Variants in KLHL5 observed in about 807,000 individuals in gnomAD.
The protein encoded by KLHL5 is kelch like family member 5.
In KLHL5, 48 loss-of-function variants were observed where a neutral mutation model predicts 77.7. The ratio of observed to expected loss-of-function variants is 0.62; its 90% CI spans 0.49 to 0.79. The LOEUF (loss-of-function observed/expected upper bound fraction) is 0.79, where lower values mean the gene tolerates loss of function less well. KLHL5 is among the 30% of genes least tolerant of loss of function. The pLI, the probability that KLHL5 is intolerant of heterozygous loss-of-function variation, is 0.00. For synonymous variants in KLHL5, 260 were observed against 297.0 expected (o/e 0.88, Z 1.28); for missense variants, 723 against 859.7 (o/e 0.84, Z 1.99).
intron 8 of KLHL5, among the ~76,000 whole-genome samples, chr4:39,109,094 A>C (rs1296318731): frequency 6.6e-6 from 1 of 152,162 alleles, no homozygotes; most frequent in African/African-American, 2.4e-5. Context: ...ACTATTAAGA[A>C]ATTTGATTTT....
At chr4:39,077,710 CAAA>C (rs1719205046) in intron 2 of KLHL5, among the ~76,000 whole-genome samples, 3 of 123,282 alleles carry the variant, frequency 2.4e-5, no homozygotes, top group Non-Finnish European at 3.5e-5. Context: ...AAAAAAAAAA[CAAA>C]AAACAAACAA....
Position 39,113,052 on chromosome 4 carries a change from C to T in KLHL5, c.1721C>T (p.Ser574Phe). 7 of 1,613,650 alleles carry T rather than the reference C, an allele frequency of 4.3e-6. No homozygotes were observed. Among genetic ancestry groups the T allele is most frequent in the Non-Finnish European group, 5.9e-6 (7 of 1,179,912 alleles). Residue 574 changes from serine (S) to phenylalanine (F), a missense_variant, in exon 9 of 11, where the codon TCT becomes TTT. By Grantham distance (155) the Ser-to-Phe change is radical. Coordinates refer to ENST00000504108, the MANE Select transcript of KLHL5 (RefSeq NM_015990.5). Reference protein sequence around the residue: ...LYAVGGRDGSSCLKSVECFDP... With the variant: ...LYAVGGRDGSFCLKSVECFDP... ...GCAGTTGGTGGTCGTGATGGAAGTT[C>T]TTGTCTCAAATCAGTAGAATGTTTT...
chr4:39,126,631 G>C (rs897121424), downstream of KLHL5: 1 of 431,800 alleles, frequency 2.3e-6, no homozygotes, highest in African/African-American at 2.0e-5. Flanking sequence ...CTTTGCCCAG[G>C]TTCAAGCTGG....
the KLHL5 span, among the ~76,000 whole-genome samples, chr4:39,139,535 C>A: frequency 6.6e-6 from 1 of 151,982 alleles, no homozygotes; most frequent in South Asian, 2.1e-4. Context: ...CTAATATAAA[C>A]TGTGGACTTT....
At chr4:39,093,112 CA>C (rs1560427330) in intron 5 of KLHL5, 1 of 455,916 alleles carries the variant, frequency 2.2e-6, no homozygotes, top group Non-Finnish European at 4.4e-6. Flanking sequence ...AAGCATCCAT[CA>C]ACTGGTGAAT....
At chr4:39,092,660 T>C (rs1383178798) in intron 5 of KLHL5, among the ~76,000 whole-genome samples, 2 of 149,186 alleles carry the variant, frequency 1.3e-5, no homozygotes, top group Admixed American at 1.3e-4. Context: ...TAGGTCTTAA[T>C]TTGGCTTTTT....
chr4:39,070,728 A>G (rs1320626720), intron 1 of KLHL5, among the ~76,000 whole-genome samples: 1 of 152,176 alleles, frequency 6.6e-6, no homozygotes, highest in Non-Finnish European at 1.5e-5. Context: ...TTCTGGCACT[A>G]TCCCAGGGGA....
Position 39,113,109 on chromosome 4 carries a change from C to G in KLHL5, c.1778C>G (p.Ala593Gly). ...CATACTAATAAGTGGACACTGTGTG[C>G]ACAGATGTCAAAAAGGAGAGGTGGC... ...DPHTNKWTLC[A>G]QMSKRRGGVG... Residue 593 changes from alanine (A) to glycine (G), a missense_variant, in exon 9 of 11, where the codon GCA becomes GGA. Physicochemically the swap from Ala to Gly is moderately conservative, Grantham distance 60. Coordinates refer to ENST00000504108, the MANE Select transcript of KLHL5 (RefSeq NM_015990.5). The G allele has an allele frequency of 1.9e-6, 3 of 1,613,812 alleles. No homozygotes were observed. The highest frequency in any genetic ancestry group is 2.5e-6 in the Non-Finnish European group (3 of 1,179,826).
At chr4:39,065,306 G>A (rs1717787263) in intron 1 of KLHL5, among the ~76,000 whole-genome samples, 1 of 151,312 alleles carries the variant, frequency 6.6e-6, no homozygotes, top group African/African-American at 2.4e-5. Flanking sequence ...TTCACCTACT[G>A]TAAACAAATC....
chr4:39,139,698 A>T, the KLHL5 span, among the ~76,000 whole-genome samples: 3 of 152,244 alleles, frequency 2.0e-5, no homozygotes, highest in African/African-American at 7.2e-5. Context: ...CCTAAAAAAC[A>T]AAATCTATTT....
chr4:39,114,684 C>G (rs1426412745), intron 9 of KLHL5, among the ~76,000 whole-genome samples: 1 of 152,216 alleles, frequency 6.6e-6, no homozygotes, highest in Non-Finnish European at 1.5e-5. Flanking sequence ...GTACTACACT[C>G]AGTGGAAAGC....
At chr4:39,115,906 A>G (rs1305743987) in intron 10 of KLHL5, 7 of 989,538 alleles carry the variant, frequency 7.1e-6, no homozygotes, top group African/African-American at 1.7e-5. Flanking sequence ...TGCTTCCATC[A>G]TCACCAAGAA....
intron 1 of KLHL5, 22 bp from the exon 2 acceptor site, chr4:39,075,943 G>A (rs1186421922): frequency 1.3e-6 from 2 of 1,582,012 alleles, no homozygotes; most frequent in East Asian, 2.3e-5. Context: ...ATTTCAAAAT[G>A]TGTGTTTTTT....
intron 7 of KLHL5, among the ~76,000 whole-genome samples, chr4:39,104,785 G>A (rs74833514): frequency 1.4e-3 from 193 of 135,428 alleles, no homozygotes; most frequent in Non-Finnish European, 2.3e-3. Flanking sequence ...TTTTTTTTTT[G>A]AGACGGAGTC....
rs570694854 is a variant in KLHL5 at position 39,122,702 on chromosome 4, A to C, written c.*1636A>C. On this transcript the variant is annotated 3_prime_UTR_variant, in exon 11 of 11. Coordinates refer to ENST00000504108, the MANE Select transcript of KLHL5 (RefSeq NM_015990.5). Reference sequence around the variant, plus strand: ...GTGGCGGGTGCCTGTACGCCCAGCTACTCGGGAGGCTGAGGCGGGAGAATG... The same window carrying C: ...GTGGCGGGTGCCTGTACGCCCAGCTCCTCGGGAGGCTGAGGCGGGAGAATG... Among the ~76,000 whole-genome samples, 1 of 152,094 alleles carries C rather than the reference A, an allele frequency of 6.6e-6. No homozygotes were observed. Among genetic ancestry groups the C allele is most frequent in the African/African-American group, 2.4e-5 (1 of 41,484 alleles).
chr4:39,048,200 T>C lies in KLHL5; in HGVS notation c.-95+3104T>C, dbSNP rs75899795. On this transcript the variant is annotated intron_variant, in intron 1 of 11. Coordinates refer to the KLHL5 transcript ENST00000261425. ...ATGTATTTGGTTCCAGAGTTCGAGATGGCAAGTACAGAGAGTTGAGAGAAT... is the reference window on the plus strand; with the variant it reads ...ATGTATTTGGTTCCAGAGTTCGAGACGGCAAGTACAGAGAGTTGAGAGAAT... Among the ~76,000 whole-genome samples, 646 of 152,304 alleles carry C rather than the reference T, an allele frequency of 4.2e-3. 3 individuals carry two copies. The highest frequency in any genetic ancestry group is 6.7e-3 in the Non-Finnish European group (457 of 68,024).
At chr4:39,046,730 T>TG (rs1362309592) in intron 1 of KLHL5, among the ~76,000 whole-genome samples, 3 of 152,194 alleles carry the variant, frequency 2.0e-5, no homozygotes, top group Non-Finnish European at 4.4e-5. Flanking sequence ...AAAGGAGATA[T>TG]GGGATGCAGT....
intron 1 of KLHL5, among the ~76,000 whole-genome samples, chr4:39,051,094 T>A (rs979937208): frequency 3.2e-4 from 49 of 152,202 alleles, no homozygotes; most frequent in African/African-American, 1.2e-3. Flanking sequence ...CCATCCAAAC[T>A]GGTCTCCTAG....
At chr4:39,093,490 G>A (rs1006473855) in intron 5 of KLHL5, 10 of 452,752 alleles carry the variant, frequency 2.2e-5, no homozygotes, top group African/African-American at 4.0e-5. Flanking sequence ...ATTAGGACAC[G>A]TAAAATATGC....
Sources: allele counts gnomAD v4.1 joint callset (sites outside exome capture counted in the v4.1 genomes callset), GRCh38; gene constraint gnomAD v4.1.1; transcripts MANE v1.5; gene names NCBI Gene and HGNC (gene_info 2026-07-23, HGNC 2026-07-21).